SH3RF3: variants seen among roughly 807,000 people sequenced by gnomAD.
SH3RF3 encodes E3 ubiquitin-protein ligase SH3RF3.
A neutral mutation model predicts 66.3 loss-of-function variants in SH3RF3; 29 were observed. That is an observed-to-expected ratio of 0.44 (90% confidence interval 0.33 to 0.60). SH3RF3 has a LOEUF of 0.60. Ranked by LOEUF, SH3RF3 falls within the 20% of genes least tolerant of loss-of-function variation. The pLI, the probability that SH3RF3 is intolerant of heterozygous loss-of-function variation, is 0.04. For missense variants in SH3RF3, 1,194 were observed against 1,190.9 expected (o/e 1.00, Z -0.04); for synonymous variants, 583 against 532.0 (o/e 1.10, Z -1.32).
chr2:109,473,870 C>T (rs1474630505), intron 8 of SH3RF3, among the ~76,000 whole-genome samples: 1 of 152,174 alleles, frequency 6.6e-6, no homozygotes. Flanking sequence ...TCCTTGTGCC[C>T]CTGAACCGCT....
intron 1 of SH3RF3, among the ~76,000 whole-genome samples, chr2:109,160,384 A>C (rs1574480261): frequency 1.3e-5 from 2 of 152,342 alleles, no homozygotes; most frequent in Middle Eastern, 6.8e-3. Flanking sequence ...AAAGCAGGGC[A>C]GGGCTAAAGT....
intron 3 of SH3RF3, among the ~76,000 whole-genome samples, chr2:109,377,768 A>T (rs1683423067): frequency 6.6e-6 from 1 of 152,188 alleles, no homozygotes; most frequent in South Asian, 2.1e-4. Context: ...GCCTTGGTTG[A>T]TGCAGCAACA....
intron 2 of SH3RF3, among the ~76,000 whole-genome samples, chr2:109,367,933 T>C (rs1440913097): frequency 6.6e-6 from 1 of 152,230 alleles, no homozygotes; most frequent in African/African-American, 2.4e-5. Context: ...AAAGTGCCTG[T>C]TCCATGCATA....
At chr2:109,495,725 C>T (rs1679242522) in intron 9 of SH3RF3, among the ~76,000 whole-genome samples, 1 of 152,042 alleles carries the variant, frequency 6.6e-6, no homozygotes, top group African/African-American at 2.4e-5. Flanking sequence ...CTCATGGCCA[C>T]AAGTGATCCG....
rs1330764231 is a variant in SH3RF3, at chr2:109,309,817, AC to A, written c.574-37856del. On this transcript the variant is annotated intron_variant, in intron 1 of 9. Coordinates refer to ENST00000309415, the MANE Select transcript of SH3RF3 (RefSeq NM_001099289.3). ...TATCCTAAATAGATATGCACCCAAT[AC>A]AGGAGCACCCAGATTCATAAAGCAA... is the stretch of plus-strand genomic sequence containing the variant. 4.3e-5 allele frequency among the ~76,000 whole-genome samples: 5 copies of A among 115,110 alleles called. 1 individual carries two copies. The highest frequency in any genetic ancestry group is 2.3e-4 in the African/African-American group (5 of 21,650). The allele number at this position is 115,110 out of a possible 152,430, so 75.5% of individuals were successfully genotyped here.
At chr2:109,270,397 C>T (rs942209068) in intron 1 of SH3RF3, among the ~76,000 whole-genome samples, 6 of 152,172 alleles carry the variant, frequency 3.9e-5, no homozygotes, top group African/African-American at 7.2e-5. Context: ...GCTGTGATTC[C>T]TGCTGTAGGA....
chr2:109,144,316 T>C (rs1677041573), intron 1 of SH3RF3, among the ~76,000 whole-genome samples: 1 of 152,368 alleles, frequency 6.6e-6, no homozygotes, highest in South Asian at 2.1e-4. Context: ...TTGTCTGTTA[T>C]ACCTCAATAA....
chr2:109,451,450 T>G (rs980776157), intron 8 of SH3RF3, among the ~76,000 whole-genome samples: 3 of 152,198 alleles, frequency 2.0e-5, no homozygotes, highest in African/African-American at 7.2e-5. Flanking sequence ...TTCTAGTTCT[T>G]TGCCCAAGAA....
intron 4 of SH3RF3, among the ~76,000 whole-genome samples, chr2:109,411,388 C>T (rs755331339): frequency 1.3e-5 from 2 of 152,230 alleles, no homozygotes; most frequent in Non-Finnish European, 2.9e-5. Context: ...CCTCAGCAGG[C>T]CTCGTGTTCT....
intron 7 of SH3RF3, among the ~76,000 whole-genome samples, chr2:109,438,654 C>T (rs1423894495): frequency 6.6e-6 from 1 of 152,190 alleles, no homozygotes; most frequent in African/African-American, 2.4e-5. Flanking sequence ...GTGCCCAAGC[C>T]CACCCTGCAA....
intron 9 of SH3RF3, among the ~76,000 whole-genome samples, chr2:109,498,113 G>C (rs373321791): frequency 1.3e-5 from 2 of 152,158 alleles, no homozygotes; most frequent in African/African-American, 4.8e-5. Context: ...TCACAGAGAC[G>C]CTGAGCTGGG....
At chr2:109,493,987 C>T (rs1374105975) in intron 9 of SH3RF3, among the ~76,000 whole-genome samples, 4 of 152,234 alleles carry the variant, frequency 2.6e-5, no homozygotes, top group Admixed American at 2.6e-4. Context: ...CCAACACCTG[C>T]TGCCTGTGTT....
chr2:109,130,872 T>G (rs1044775996), intron 1 of SH3RF3, among the ~76,000 whole-genome samples: 3 of 152,198 alleles, frequency 2.0e-5, no homozygotes, highest in Non-Finnish European at 4.4e-5. Context: ...TTTAAAAGCT[T>G]CTTACAGCTT....
intron 3 of SH3RF3, among the ~76,000 whole-genome samples, chr2:109,382,985 C>T (rs960974455): frequency 6.6e-6 from 1 of 152,232 alleles, no homozygotes; most frequent in African/African-American, 2.4e-5. Flanking sequence ...ACACTCAGGA[C>T]TTGAGAGTGT....
chr2:109,129,499 G>A lies in SH3RF3; in HGVS notation c.-42G>A. The A allele has an allele frequency of 6.7e-7, 1 of 1,495,096 alleles. No homozygotes were observed. Among genetic ancestry groups the A allele is most frequent in the Admixed American group, 2.1e-5 (1 of 47,304 alleles). The allele number at this position is 1,495,096 out of a possible 1,614,324, so 92.6% of individuals were successfully genotyped here. A position where few individuals can be genotyped will look rare whatever the true frequency, so the allele number is the denominator to read the frequency against. ...GGTGGCGGGCTCCACGCCGGCCCCG[G>A]GACCTAGGCAGCCGCGCGAGACCGC... On this transcript the variant is annotated 5_prime_UTR_variant, in exon 1 of 10. Coordinates refer to ENST00000309415, the MANE Select transcript of SH3RF3 (RefSeq NM_001099289.3).
chr2:109,255,459 G>C (rs952587987), intron 1 of SH3RF3, among the ~76,000 whole-genome samples: 33 of 152,182 alleles, frequency 2.2e-4, no homozygotes, highest in African/African-American at 7.0e-4. Context: ...ATTCAGGGTT[G>C]GACTGGGGTT....
intron 1 of SH3RF3, among the ~76,000 whole-genome samples, chr2:109,284,230 T>C (rs994145502): frequency 1.3e-5 from 2 of 152,216 alleles, no homozygotes; most frequent in African/African-American, 4.8e-5. Flanking sequence ...GAATTTCTTT[T>C]TGGTGATCTT....
intron 3 of SH3RF3, among the ~76,000 whole-genome samples, chr2:109,391,538 G>C (rs1300253659): frequency 6.6e-6 from 1 of 152,206 alleles, no homozygotes; most frequent in Non-Finnish European, 1.5e-5. Flanking sequence ...TAACTTCAAG[G>C]GGGGAATCTC....
At chr2:109,247,641 A>G (rs1241597960) in intron 1 of SH3RF3, among the ~76,000 whole-genome samples, 1 of 152,186 alleles carries the variant, frequency 6.6e-6, no homozygotes, top group Non-Finnish European at 1.5e-5. Flanking sequence ...CAGTTGACGG[A>G]CTGGCTGCGT....
Sources: gnomAD v4.1 joint callset for allele counts (sites outside exome capture counted in the v4.1 genomes callset) on GRCh38, gnomAD v4.1.1 for gene constraint, MANE v1.5 for transcripts, NCBI Gene and HGNC (gene_info 2026-07-23, HGNC 2026-07-21) for gene names.